The following CCDC171 variants were observed in gnomAD, a reference collection of about 807,000 sequenced individuals.
CCDC171 encodes coiled-coil domain containing 171.
In CCDC171, 177 loss-of-function variants were observed where a neutral mutation model predicts 168.2. That is an observed-to-expected ratio of 1.05 (90% CI 0.93 to 1.19). CCDC171 has a LOEUF of 1.19. Ranked by LOEUF, CCDC171 falls within the 50% of genes most tolerant of loss-of-function variation. The pLI, the probability that CCDC171 is intolerant of heterozygous loss-of-function variation, is 0.00. For synonymous variants in CCDC171, 687 were observed against 540.8 expected, an observed-to-expected ratio of 1.27 and a Z score of -3.75; for missense variants, 1,991 against 1,539.0, an observed-to-expected ratio of 1.29 and a Z score of -4.91.
rs2049225034 is a variant in CCDC171, at chr9:15,672,852, C to T, written c.1077-5906C>T. ...TGGCAATGTGGGCTCTTTTTTGGTT[C>T]CATATGAACTTTAAAGTAGTTTTTT... On this transcript the variant is annotated intron_variant, in intron 9 of 25. Transcript: ENST00000380701. Among the ~76,000 whole-genome samples the T allele has an allele frequency of 3.3e-5, 5 of 152,022 alleles. 1 individual carries two copies. In the South Asian group the frequency reaches 1.0e-3, roughly 32 times the overall value.
intron 16 of CCDC171, among the ~76,000 whole-genome samples, chr9:15,743,677 G>A (rs1295473728): frequency 2.6e-5 from 4 of 152,208 alleles, no homozygotes; most frequent in Non-Finnish European, 4.4e-5. Flanking sequence ...AGTATTTCCT[G>A]TCACCACTGG....
At chr9:15,990,399 C>G (rs1390289390) in intron 3 of CCDC171, among the ~76,000 whole-genome samples, 2 of 152,158 alleles carry the variant, frequency 1.3e-5, no homozygotes, top group African/African-American at 4.8e-5. Context: ...ACCATCAAGC[C>G]TGCCTTACAA....
chr9:15,713,804 TAG>T (rs1491312366), intron 11 of CCDC171, among the ~76,000 whole-genome samples: 2 of 151,762 alleles, frequency 1.3e-5, no homozygotes, highest in East Asian at 3.9e-4. Flanking sequence ...ATCAATTTAG[TAG>T]AGAATGAAGT....
At chr9:15,956,289 G>T (rs1829789901) in intron 25 of CCDC171, among the ~76,000 whole-genome samples, 2 of 152,130 alleles carry the variant, frequency 1.3e-5, no homozygotes, top group Non-Finnish European at 2.9e-5. Context: ...TATCTGCTGG[G>T]ATTAGTTCAT....
intron 25 of CCDC171, among the ~76,000 whole-genome samples, chr9:15,924,467 T>C (rs1247374456): frequency 1.3e-5 from 2 of 150,908 alleles, no homozygotes; most frequent in East Asian, 1.9e-4. Context: ...CAGCTATTAT[T>C]CTGATAACCA....
intron 21 of CCDC171, among the ~76,000 whole-genome samples, chr9:15,824,078 A>G (rs1324756157): frequency 1.3e-5 from 2 of 152,038 alleles, no homozygotes; most frequent in Non-Finnish European, 2.9e-5. Context: ...TTTTTTTCCA[A>G]GCTTTACAAG....
Position 15,906,649 on chromosome 9 carries a change from C to A in CCDC171, c.3601-13621C>A, listed in dbSNP as rs560178078. Among the ~76,000 whole-genome samples, 11 of 151,942 alleles carry A rather than the reference C, an allele frequency of 7.2e-5. No individual in the cohort carries two copies. The South Asian group carries it at 2.3e-3, about 32-fold the overall frequency. On this transcript the variant is annotated intron_variant, in intron 24 of 25. Transcript: ENST00000380701. ...GCCCTCTCTCACCACTCCTATTCAA[C>A]ATAGTGTTGGAAGTTCTGGCCAGGG...
At chr9:15,834,387 C>T (rs933178427) in intron 21 of CCDC171, among the ~76,000 whole-genome samples, 2 of 152,222 alleles carry the variant, frequency 1.3e-5, no homozygotes, top group Admixed American at 1.3e-4. Context: ...GATATGTATT[C>T]TAAATCATTA....
intron 14 of CCDC171, 91 bp downstream of exon 14, chr9:15,725,067 A>G: frequency 1.1e-6 from 1 of 946,278 alleles, no homozygotes; most frequent in Admixed American, 2.2e-5. Context: ...GTATTTAATT[A>G]AGAAAATTGT....
chr9:15,844,666 A>T (rs958329087), intron 21 of CCDC171, among the ~76,000 whole-genome samples: 1 of 152,078 alleles, frequency 6.6e-6, no homozygotes, highest in Non-Finnish European at 1.5e-5. Context: ...TATGCCCCTG[A>T]AATAGTATAA....
At chr9:15,782,801 A>G (rs1203336075) in intron 20 of CCDC171, among the ~76,000 whole-genome samples, 6 of 152,192 alleles carry the variant, frequency 3.9e-5, no homozygotes, top group African/African-American at 1.4e-4. Context: ...TAATAGCACA[A>G]TGTGGAGAGT....
Position 15,920,306 on chromosome 9 carries a change from G to A in CCDC171, c.3637G>A (p.Ala1213Thr). The part of the protein sequence containing the change: ...IKSFMDVYQL[A>T]STRIMTLEKE... ...AAGTTTCATGGATGTCTACCAGCTTGCAAGCACTAGAATCATGACATTAGA... is the reference window on the plus strand; with the variant it reads ...AAGTTTCATGGATGTCTACCAGCTTACAAGCACTAGAATCATGACATTAGA... Residue 1213 changes from alanine to threonine, a missense_variant, in exon 25 of 26, where the codon GCA becomes ACA. Transcript: ENST00000380701. 6.2e-7 allele frequency: 1 copy of A among 1,602,920 alleles called. No individual in the cohort carries two copies. The highest frequency in any genetic ancestry group is 2.2e-5 in the East Asian group (1 of 44,636).
chr9:15,735,101 C>A (rs776998634), intron 16 of CCDC171, among the ~76,000 whole-genome samples: 1 of 152,200 alleles, frequency 6.6e-6, no homozygotes, highest in Non-Finnish European at 1.5e-5. Flanking sequence ...ATTTCTAAGA[C>A]TTTTTTAATG....
chr9:15,835,999 C>T (rs1329364902), intron 21 of CCDC171, among the ~76,000 whole-genome samples: 1 of 152,086 alleles, frequency 6.6e-6, no homozygotes, highest in Non-Finnish European at 1.5e-5. Flanking sequence ...TATTTACATA[C>T]TCACCTAAGT....
intron 3 of CCDC171, 119 bp from the exon 4 acceptor site, chr9:15,578,730 A>C (rs2040876363): frequency 1.7e-6 from 1 of 593,768 alleles, no homozygotes; most frequent in South Asian, 3.5e-5. Flanking sequence ...GAATATATAA[A>C]TTTATAAATT....
intron 25 of CCDC171, among the ~76,000 whole-genome samples, chr9:15,942,477 G>A (rs935494896): frequency 1.8e-4 from 28 of 151,878 alleles, no homozygotes; most frequent in African/African-American, 6.0e-4. Flanking sequence ...GAGAGAAATT[G>A]CTGTTGTGTG....
chr9:15,998,118 A>G (rs908999019), intron 3 of CCDC171, among the ~76,000 whole-genome samples: 1 of 152,180 alleles, frequency 6.6e-6, no homozygotes, highest in African/African-American at 2.4e-5. Context: ...GGATACACCA[A>G]GTCCCCCAGA....
intron 6 of CCDC171, among the ~76,000 whole-genome samples, chr9:16,024,140 A>G (rs909202543): frequency 6.6e-6 from 1 of 152,202 alleles, no homozygotes; most frequent in South Asian, 2.1e-4. Flanking sequence ...ATCCTCCCAA[A>G]GGAATGCAGC....
chr9:15,583,226 C>T (rs1357325717), intron 4 of CCDC171, among the ~76,000 whole-genome samples: 1 of 151,934 alleles, frequency 6.6e-6, no homozygotes, highest in Non-Finnish European at 1.5e-5. Flanking sequence ...ACCATCCTGG[C>T]CAAGGTGGTG....
Sources: gnomAD v4.1 joint callset for allele counts (sites outside exome capture counted in the v4.1 genomes callset) on GRCh38, gnomAD v4.1.1 for gene constraint, MANE v1.5 for transcripts, NCBI Gene and HGNC (gene_info 2026-07-23, HGNC 2026-07-21) for gene names.